The following KALRN variants were observed in gnomAD, a reference collection of about 807,000 sequenced individuals.
KALRN encodes kalirin.
KALRN carries 70 observed loss-of-function variants against 353.7 expected under a neutral mutation model. That is an observed-to-expected ratio of 0.20 (90% CI 0.16 to 0.24). The LOEUF (loss-of-function observed/expected upper bound fraction) is 0.24. Among genes scored for constraint, KALRN ranks in the 10% least tolerant of loss-of-function variants. The pLI, the probability that KALRN is intolerant of heterozygous loss-of-function variation, is 1.00. For synonymous variants in KALRN, 1,391 were observed against 1,434.8 expected, an observed-to-expected ratio of 0.97 and a Z score of 0.69; for missense variants, 2,791 against 3,756.7, an observed-to-expected ratio of 0.74 and a Z score of 6.72.
intron 57 of KALRN, among the ~76,000 whole-genome samples, chr3:124,702,615 G>A (rs2062395509): frequency 6.6e-6 from 1 of 152,066 alleles, no homozygotes. Flanking sequence ...GTTTGGACTT[G>A]CTTTATGAGT....
At chr3:124,474,574 A>G in intron 25 of KALRN, 89 bp from the exon 26 acceptor site, 1 of 975,914 alleles carries the variant, frequency 1.0e-6, no homozygotes, top group African/African-American at 1.6e-5. Flanking sequence ...TAAATAATTG[A>G]GAAGTTATGG....
At chr3:124,396,683 G>A (rs1426852290) in intron 12 of KALRN, among the ~76,000 whole-genome samples, 1 of 152,222 alleles carries the variant, frequency 6.6e-6, no homozygotes, top group Admixed American at 6.5e-5. Flanking sequence ...TGTGGGGCTA[G>A]GCCTACGGAG....
At chr3:124,174,070 T>C (rs2072301174) in intron 1 of KALRN, among the ~76,000 whole-genome samples, 1 of 152,140 alleles carries the variant, frequency 6.6e-6, no homozygotes, top group African/African-American at 2.4e-5. Flanking sequence ...TGCCCCACTA[T>C]TTATCATTAT....
At position 124,604,292 on chromosome 3, in the gene KALRN, A is replaced by C. The variant is rs375844034; in HGVS notation, c.5183-28128A>C. 2.0e-5 allele frequency among the ~76,000 whole-genome samples: 3 copies of C among 152,282 alleles called. No homozygotes were observed. In the South Asian group the frequency reaches 6.2e-4, roughly 32 times the overall value. ...ATTAGGTATATCTCCCAATGCTTTC[A>C]TGTTTTTTAAGCTTTCTCTATGCCT... is the stretch of plus-strand genomic sequence containing the variant. On this transcript the variant is annotated intron_variant, in intron 34 of 59. Transcript: ENST00000682506.
intron 9 of KALRN, among the ~76,000 whole-genome samples, chr3:124,342,793 T>C (rs747144357): frequency 2.6e-5 from 4 of 152,180 alleles, no homozygotes; most frequent in Non-Finnish European, 2.9e-5. Context: ...CCCCTGAGTA[T>C]ACCTTTCCAT....
intron 34 of KALRN, among the ~76,000 whole-genome samples, chr3:124,571,087 G>A (rs989736872): frequency 3.9e-5 from 6 of 152,078 alleles, no homozygotes; most frequent in Admixed American, 1.3e-4. Context: ...TCCGAGCCCC[G>A]AGTGTAAATC....
chr3:124,253,717 G>A (rs552177236), intron 3 of KALRN, among the ~76,000 whole-genome samples: 1 of 152,304 alleles, frequency 6.6e-6, no homozygotes, highest in Admixed American at 6.5e-5. Flanking sequence ...TTATTTGAAG[G>A]TTAATTGTGC....
intron 1 of KALRN, among the ~76,000 whole-genome samples, chr3:124,060,306 G>A (rs2041895489): frequency 6.6e-6 from 1 of 152,150 alleles, no homozygotes; most frequent in Non-Finnish European, 1.5e-5. Context: ...GTAATTTGCT[G>A]GGCCCAGGTC....
At chr3:124,330,246 TCACACACACACACA>T (rs774251256) in intron 8 of KALRN, among the ~76,000 whole-genome samples, 15 of 134,308 alleles carry the variant, frequency 1.1e-4, no homozygotes, top group African/African-American at 2.5e-4. Context: ...TCTCTCTCTC[TCACACACACACACA>T]CACACACACA....
At chr3:124,492,957 T>C in intron 32 of KALRN, 75 bp downstream of exon 32, 1 of 1,546,070 alleles carries the variant, frequency 6.5e-7, no homozygotes, top group Non-Finnish European at 8.8e-7. Flanking sequence ...AATCTTTGCT[T>C]CTGAAGGGGG....
At chr3:124,143,150 A>G (rs1312958312) in intron 1 of KALRN, among the ~76,000 whole-genome samples, 1 of 152,124 alleles carries the variant, frequency 6.6e-6, no homozygotes, top group East Asian at 1.9e-4. Context: ...GGGAAATGTT[A>G]TTGCAGACTC....
intron 8 of KALRN, among the ~76,000 whole-genome samples, chr3:124,332,759 A>G (rs1274071549): frequency 6.6e-6 from 1 of 152,146 alleles, no homozygotes; most frequent in Non-Finnish European, 1.5e-5. Flanking sequence ...CTTTCTCTGC[A>G]TGTTCTAGAA....
rs1388909514 is a variant in KALRN at position 124,109,773 on chromosome 3, TGA to T, written c.73+75961_73+75962del. ...TATATATCATACTTTGATATATATA[TGA>T]CATATATATCATACTTTGATATATA... is the stretch of plus-strand genomic sequence containing the variant. On this transcript the variant is annotated intron_variant, in intron 1 of 59. Coordinates refer to ENST00000682506, the MANE Select transcript of KALRN (RefSeq NM_001388419.1). 5.0e-3 allele frequency among the ~76,000 whole-genome samples: 424 copies of T among 85,656 alleles called. 1 individual carries two copies. Among genetic ancestry groups the T allele is most frequent in the East Asian group, 0.018 (50 of 2,764 alleles). The allele number at this position is 85,656 out of a possible 152,430, so 56.2% of individuals were successfully genotyped here.
Position 124,265,298 on chromosome 3 carries a change from C to CTTTTTTTTTTTTTTTTTTTTTTTT in KALRN, c.456+622_456+623insTTTTTTTTTTTTTTTTTTTTTTTT, listed in dbSNP as rs3054177. Among the ~76,000 whole-genome samples the CTTTTTTTTTTTTTTTTTTTTTTTT allele has an allele frequency of 6.8e-4, 50 of 73,108 alleles. 14 individuals are homozygous for CTTTTTTTTTTTTTTTTTTTTTTTT. The highest frequency in any genetic ancestry group is 1.2e-3 in the African/African-American group (22 of 18,682). 48.0% of individuals were successfully genotyped at this position (73,108 alleles called of 152,430 possible). A position where few individuals can be genotyped will look rare whatever the true frequency, so the allele number is the denominator to read the frequency against. ...CTAGTAACTAATTTAAGAAAATATT[C>CTTTTTTTTTTTTTTTTTTTTTTTT]TTTTTTTTTTTTTTGAGATAGAGTC... On this transcript the variant is annotated intron_variant, in intron 4 of 59. Transcript: ENST00000682506.
intron 15 of KALRN, among the ~76,000 whole-genome samples, chr3:124,430,181 T>C: frequency 6.6e-6 from 1 of 152,202 alleles, no homozygotes; most frequent in South Asian, 2.1e-4. Flanking sequence ...CGGTGGTACA[T>C]ACAAAATGAT....
At chr3:124,633,346 G>A (rs553286889) in intron 35 of KALRN, among the ~76,000 whole-genome samples, 1 of 152,362 alleles carries the variant, frequency 6.6e-6, no homozygotes, top group East Asian at 1.9e-4. Context: ...CAGTGGATAT[G>A]TTTTGGTTGG....
intron 16 of KALRN, 74 bp downstream of exon 16, chr3:124,430,849 GT>G: frequency 6.6e-7 from 1 of 1,522,778 alleles, no homozygotes. Flanking sequence ...TGATTCTCAG[GT>G]GTGGGTGTTC....
At chr3:124,332,019 G>C (rs1055791334) in intron 8 of KALRN, among the ~76,000 whole-genome samples, 3 of 152,080 alleles carry the variant, frequency 2.0e-5, no homozygotes, top group Non-Finnish European at 4.4e-5. Context: ...AGCTCTCCTG[G>C]GTTTCACTAT....
At chr3:124,561,653 A>G (rs1436429603) in intron 33 of KALRN, among the ~76,000 whole-genome samples, 1 of 152,190 alleles carries the variant, frequency 6.6e-6, no homozygotes, top group African/African-American at 2.4e-5. Context: ...TGGTGCAGAA[A>G]ATTTGGGCCC....
Sources: allele counts gnomAD v4.1 joint callset (sites outside exome capture counted in the v4.1 genomes callset), GRCh38; gene constraint gnomAD v4.1.1; transcripts MANE v1.5; gene names NCBI Gene and HGNC (gene_info 2026-07-23, HGNC 2026-07-21).